TMOD3: variants seen among roughly 807,000 people sequenced by gnomAD.
TMOD3 encodes the protein tropomodulin-3.
TMOD3 carries 20 observed loss-of-function variants against 39.2 expected under a neutral mutation model. That is an observed-to-expected ratio of 0.51 (90% CI 0.36 to 0.74). TMOD3 has a LOEUF of 0.74. Ranked by LOEUF, TMOD3 falls within the 30% of genes least tolerant of loss-of-function variation. The pLI is 0.00. For synonymous variants in TMOD3, 143 were observed against 145.8 expected, an observed-to-expected ratio of 0.98 and a Z score of 0.14; for missense variants, 381 against 412.8, an observed-to-expected ratio of 0.92 and a Z score of 0.67.
chr15:51,830,119 G>A (rs930421261), intron 1 of TMOD3, among the ~76,000 whole-genome samples: 1 of 152,144 alleles, frequency 6.6e-6, no homozygotes. Flanking sequence ...CCGGGTTCGG[G>A]ACCGGCCCCC....
intron 9 of TMOD3, among the ~76,000 whole-genome samples, chr15:51,904,665 C>T (rs946800870): frequency 2.6e-5 from 4 of 152,130 alleles, no homozygotes; most frequent in Non-Finnish European, 5.9e-5. Flanking sequence ...AAGGCTTCAG[C>T]AGTTGTGCTT....
At chr15:51,832,434 G>C (rs1433623418) in intron 1 of TMOD3, among the ~76,000 whole-genome samples, 3 of 151,672 alleles carry the variant, frequency 2.0e-5, no homozygotes, top group Non-Finnish European at 2.9e-5. Context: ...CTTTCCCCAG[G>C]CTATACTGTC....
intron 3 of TMOD3, among the ~76,000 whole-genome samples, chr15:51,874,758 A>C (rs1329604918): frequency 1.3e-5 from 2 of 151,768 alleles, no homozygotes; most frequent in Non-Finnish European, 2.9e-5. Context: ...TAGACTAAGA[A>C]TTTTTTTTCC....
chr15:51,890,669 C>T (rs2056588094), intron 5 of TMOD3, among the ~76,000 whole-genome samples: 1 of 152,104 alleles, frequency 6.6e-6, no homozygotes, highest in Non-Finnish European at 1.5e-5. Flanking sequence ...GGATTTTAAC[C>T]CGTGTTATAT....
At chr15:51,902,807 G>A (rs1034024933) in intron 9 of TMOD3, among the ~76,000 whole-genome samples, 1 of 151,912 alleles carries the variant, frequency 6.6e-6, no homozygotes, top group South Asian at 2.1e-4. Flanking sequence ...CCGCCACCTC[G>A]CCCGGCTAAT....
intron 9 of TMOD3, among the ~76,000 whole-genome samples, chr15:51,906,879 G>A (rs1357794503): frequency 6.6e-6 from 1 of 152,044 alleles, no homozygotes; most frequent in African/African-American, 2.4e-5. Flanking sequence ...AATTAGCCAG[G>A]TGTGGTGTTG....
intron 1 of TMOD3, among the ~76,000 whole-genome samples, chr15:51,837,812 G>T (rs1282470222): frequency 6.6e-6 from 1 of 152,112 alleles, no homozygotes; most frequent in East Asian, 1.9e-4. Flanking sequence ...AAGTGATATA[G>T]TGTGCCCTCC....
rs111813783 is a variant in TMOD3 at position 51,839,163 on chromosome 15, C to CTTTTTTT, written c.-75+9328_-75+9329insTTTTTTT. ...TGACAGCTAAGAAATAGGTGTATCTCTCTTTTTTTTTTTTTCCATTTTGTT... is the reference window on the plus strand; with the variant it reads ...TGACAGCTAAGAAATAGGTGTATCTCTTTTTTTTCTTTTTTTTTTTTTCCATTTTGTT... On this transcript the variant is annotated intron_variant, in intron 1 of 9. Coordinates refer to ENST00000308580, the MANE Select transcript of TMOD3 (RefSeq NM_014547.5). 3.8e-4 allele frequency among the ~76,000 whole-genome samples: 42 copies of CTTTTTTT among 109,832 alleles called. 3 individuals carry two copies. Among genetic ancestry groups the CTTTTTTT allele is most frequent in the South Asian group, 1.2e-3 (4 of 3,468 alleles). 72.1% of individuals were successfully genotyped at this position (109,832 alleles called of 152,430 possible). A position where few individuals can be genotyped will look rare whatever the true frequency, so the allele number is the denominator to read the frequency against.
At chr15:51,851,143 G>C (rs1404010161) in intron 1 of TMOD3, among the ~76,000 whole-genome samples, 1 of 152,108 alleles carries the variant, frequency 6.6e-6, no homozygotes, top group African/African-American at 2.4e-5. Flanking sequence ...GGACTGCTGG[G>C]GGGTGATAAC....
rs778329675 is a variant in TMOD3, at chr15:51,869,379, C to A, written c.283+6C>A. The A allele has an allele frequency of 1.2e-6, 2 of 1,609,046 alleles. No homozygotes were observed. The highest frequency in any genetic ancestry group is 2.2e-5 in the South Asian group (2 of 89,604). On this transcript the variant is annotated splice_donor_region_variant and intron_variant, in intron 3 of 9. Coordinates refer to ENST00000308580, the MANE Select transcript of TMOD3 (RefSeq NM_014547.5). ...CTACACTGGAGAAAAAAAAGGTAAG[C>A]CCCAGAATTTTAAAGTCATTATGTG...
At chr15:51,844,458 T>C (rs2056326423) in intron 1 of TMOD3, among the ~76,000 whole-genome samples, 1 of 152,194 alleles carries the variant, frequency 6.6e-6, no homozygotes, top group African/African-American at 2.4e-5. Context: ...TTTCCTAAAT[T>C]CCAAGTCAAT....
At chr15:51,904,605 G>A (rs2056668694) in intron 9 of TMOD3, among the ~76,000 whole-genome samples, 1 of 152,190 alleles carries the variant, frequency 6.6e-6, no homozygotes, top group Non-Finnish European at 1.5e-5. Context: ...CCCTCCAGGA[G>A]CTGTACAGTG....
chr15:51,908,679 A>T, intron 9 of TMOD3, 97 bp from the exon 10 acceptor site: 1 of 885,474 alleles, frequency 1.1e-6, no homozygotes, highest in Non-Finnish European at 1.7e-6. Flanking sequence ...TGTAAAACTT[A>T]TAACTGGATT....
At chr15:51,852,688 A>G (rs1466450314) in intron 1 of TMOD3, among the ~76,000 whole-genome samples, 1 of 152,208 alleles carries the variant, frequency 6.6e-6, no homozygotes, top group Non-Finnish European at 1.5e-5. Flanking sequence ...TGGAGGAGAA[A>G]GAGGGAACTA....
rs555038027 is a variant in TMOD3, at chr15:51,885,982, G to A, written c.284-1607G>A. Among the ~76,000 whole-genome samples, 20 of 150,756 alleles carry A rather than the reference G, an allele frequency of 1.3e-4. No homozygotes were observed. In the South Asian group the frequency reaches 4.2e-3, roughly 32 times the overall value. ...AGGGGCTGCCCCCTACCTCCCTCCC[G>A]GACGGGGCGGCTGGCCAGGCGGAGA... On this transcript the variant is annotated intron_variant, in intron 3 of 9. Coordinates refer to ENST00000308580, the MANE Select transcript of TMOD3 (RefSeq NM_014547.5).
chr15:51,893,686 A>T, intron 5 of TMOD3, 129 bp from the exon 6 acceptor site: 4 of 796,398 alleles, frequency 5.0e-6, no homozygotes, highest in Non-Finnish European at 5.2e-6. Context: ...AATGGCTTGA[A>T]CCCGGGAGGC....
At chr15:51,871,125 A>G (rs1012158577) in intron 3 of TMOD3, among the ~76,000 whole-genome samples, 1 of 152,196 alleles carries the variant, frequency 6.6e-6, no homozygotes, top group African/African-American at 2.4e-5. Context: ...AGCCCAGCCA[A>G]ATTGACACAT....
At chr15:51,835,054 GT>G in intron 1 of TMOD3, 1 of 152,282 alleles carries the variant, frequency 6.6e-6, no homozygotes, top group Non-Finnish European at 1.5e-5. Flanking sequence ...ATGGAAGAAT[GT>G]TAAGTATGAA....
intron 1 of TMOD3, among the ~76,000 whole-genome samples, chr15:51,840,822 C>T (rs2056309518): frequency 1.3e-5 from 2 of 152,114 alleles, no homozygotes; most frequent in Admixed American, 1.3e-4. Flanking sequence ...TTAAATTGTC[C>T]CACACTTTTG....
Sources: gnomAD v4.1 joint callset for allele counts (sites outside exome capture counted in the v4.1 genomes callset) on GRCh38, gnomAD v4.1.1 for gene constraint, MANE v1.5 for transcripts, NCBI Gene and HGNC (gene_info 2026-07-23, HGNC 2026-07-21) for gene names.